Variants in SCAF11 observed in about 807,000 individuals in gnomAD.
The protein encoded by SCAF11 is protein SCAF11.
A neutral mutation model predicts 140.5 loss-of-function variants in SCAF11; 47 were observed. The ratio of observed to expected loss-of-function variants is 0.33; its 90% CI spans 0.26 to 0.43. SCAF11 has a LOEUF of 0.43. Ranked by LOEUF, SCAF11 falls within the 20% of genes least tolerant of loss-of-function variation. The probability of loss-of-function intolerance (pLI) is 1.00; values close to 1 mark genes in which losing one functional copy is unlikely to be tolerated. For synonymous variants in SCAF11, 557 were observed against 579.4 expected, an observed-to-expected ratio of 0.96 and a Z score of 0.55; for missense variants, 1,645 against 1,705.1, an observed-to-expected ratio of 0.96 and a Z score of 0.62.
At chr12:45,922,699 G>A (rs1196873956) in intron 13 of SCAF11, 117 bp from the exon 14 acceptor site, 24 of 1,033,034 alleles carry the variant, frequency 2.3e-5, no homozygotes, top group Non-Finnish European at 2.9e-5. Flanking sequence ...AACTATTAAC[G>A]TGACAAATAT....
intron 3 of SCAF11, among the ~76,000 whole-genome samples, chr12:45,956,420 C>A (rs1198796390): frequency 1.3e-5 from 2 of 152,140 alleles, no homozygotes; most frequent in East Asian, 3.8e-4. Context: ...CAGGACCTAT[C>A]TTTTTTCATT....
Position 45,926,784 on chromosome 12 carries a change from C to T in SCAF11, c.2917G>A (p.Asp973Asn), listed in dbSNP as rs1944876069. 6.2e-7 allele frequency: 1 copy of T among 1,614,036 alleles called. No homozygotes were observed. The highest frequency in any genetic ancestry group is 1.3e-5 in the African/African-American group (1 of 74,922). ...TTTCCTCGTGGACATCTCCAACCAT[C>T]ATTTGCCCATCTTCCCTTCCACCGG... Reference protein sequence around the residue: ...SPRWKGRWANDGWRCPRGNDR... With the variant: ...SPRWKGRWANNGWRCPRGNDR... The change falls in exon 11 of 15, where the codon GAT becomes AAT. Residue 973 changes from aspartate (D) to asparagine (N), a missense_variant. Coordinates refer to ENST00000369367, the MANE Select transcript of SCAF11 (RefSeq NM_004719.3).
chr12:45,932,801 C>T (rs577542353), intron 9 of SCAF11, among the ~76,000 whole-genome samples: 1 of 152,082 alleles, frequency 6.6e-6, no homozygotes, highest in Admixed American at 6.5e-5. Flanking sequence ...GCGGACAGCA[C>T]GCAGGTAAGA....
rs1038936972 is a variant in SCAF11 at position 45,990,476 on chromosome 12, C to G, written c.-145G>C. The stretch of plus-strand genomic sequence containing the variant: ...CGTCCGCTTTGTGGTGTTACAGGGT[C>G]TCTAGGACACTGACTCCGCTGGCTC... On this transcript the variant is annotated 5_prime_UTR_variant, in exon 1 of 15. Transcript: ENST00000369367. The G allele has an allele frequency of 2.4e-6, 3 of 1,231,784 alleles. No individual in the cohort carries two copies. The highest frequency in any genetic ancestry group is 3.0e-6 in the Non-Finnish European group (3 of 988,150). 76.3% of individuals were successfully genotyped at this position (1,231,784 alleles called of 1,614,324 possible). A position where few individuals can be genotyped will look rare whatever the true frequency, so the allele number is the denominator to read the frequency against.
At chr12:45,983,742 A>AACAC (rs55655357) in intron 1 of SCAF11, among the ~76,000 whole-genome samples, 23,873 of 133,674 alleles carry the variant, frequency 0.18, 2,237 homozygotes, top group Middle Eastern at 0.23. Context: ...CTAAACCTAA[A>AACAC]ACACACACAC....
chr12:45,922,857 C>T, intron 13 of SCAF11, 79 bp downstream of exon 13: 1 of 1,311,600 alleles, frequency 7.6e-7, no homozygotes, highest in Non-Finnish European at 1.1e-6. Flanking sequence ...CCCTTCACCA[C>T]TCATACAATA....
intron 6 of SCAF11, among the ~76,000 whole-genome samples, chr12:45,940,609 A>C (rs1945273336): frequency 6.6e-6 from 1 of 152,208 alleles, no homozygotes; most frequent in Admixed American, 6.5e-5. Flanking sequence ...ATAATCTCAG[A>C]AGACAGAGTT....
At chr12:45,956,068 C>A (rs1945684209) in intron 3 of SCAF11, 3 of 711,486 alleles carry the variant, frequency 4.2e-6, no homozygotes, top group Non-Finnish European at 2.6e-6. Flanking sequence ...CTCAGACAAA[C>A]CCACATTTAA....
intron 9 of SCAF11, among the ~76,000 whole-genome samples, chr12:45,932,259 C>T (rs1945063850): frequency 6.6e-6 from 1 of 152,116 alleles, no homozygotes; most frequent in Admixed American, 6.5e-5. Context: ...TTAAGACCCC[C>T]TCCTTCAAAT....
chr12:45,950,780 G>C (rs957486543), intron 4 of SCAF11, among the ~76,000 whole-genome samples: 12 of 152,060 alleles, frequency 7.9e-5, no homozygotes, highest in African/African-American at 2.9e-4. Context: ...CACTGAGAAA[G>C]ACAAATAATT....
At chr12:45,985,055 C>T (rs915509078) in intron 1 of SCAF11, among the ~76,000 whole-genome samples, 1 of 152,190 alleles carries the variant, frequency 6.6e-6, no homozygotes, top group East Asian at 1.9e-4. Context: ...TGCCCCAGCA[C>T]TGGAATCAAC....
rs757867125 is a variant in SCAF11 at position 45,928,004 on chromosome 12, C to T, written c.1697G>A (p.Cys566Tyr). Residue 566 changes from cysteine to tyrosine, a missense_variant, in exon 11 of 15, where the codon TGT becomes TAT. By Grantham distance (194) the Cys-to-Tyr change is radical (BLOSUM62 -2). Transcript: ENST00000369367. ...SESKVYQPVSCPLSDLSENVE... is the reference protein window; with the variant it reads ...SESKVYQPVSYPLSDLSENVE... ...ATTCTCAGATAAGTCACTTAGGGGA[C>T]AAGATACAGGTTGGTACACTTTGCT... is the stretch of plus-strand genomic sequence containing the variant. The T allele has an allele frequency of 1.9e-6, 3 of 1,613,062 alleles. No individual in the cohort carries two copies. The highest frequency in any genetic ancestry group is 2.2e-5 in the South Asian group (2 of 91,086).
intron 3 of SCAF11, chr12:45,955,583 T>C (rs1945669403): frequency 6.5e-6 from 1 of 152,820 alleles, no homozygotes; most frequent in Admixed American, 6.5e-5. Flanking sequence ...AGTTGTGAGG[T>C]TTTAAAAGTT....
chr12:45,971,067 T>C (rs1428610953), intron 1 of SCAF11, among the ~76,000 whole-genome samples: 2 of 152,216 alleles, frequency 1.3e-5, no homozygotes, highest in African/African-American at 2.4e-5. Flanking sequence ...GAAGACTGAA[T>C]TGAAAATAGG....
upstream of SCAF11, among the ~76,000 whole-genome samples, chr12:45,991,149 C>G (rs2136686207): frequency 6.6e-6 from 1 of 152,336 alleles, no homozygotes; most frequent in East Asian, 1.9e-4. Context: ...GAAGAGTCGG[C>G]AATTTGGAAG....
intron 1 of SCAF11, among the ~76,000 whole-genome samples, chr12:45,979,948 C>A (rs1268124249): frequency 1.3e-5 from 2 of 151,888 alleles, no homozygotes; most frequent in South Asian, 4.1e-4. Context: ...GGATTCTTTC[C>A]TAAATGTAAT....
At chr12:45,989,442 TG>T (rs757657401) in intron 1 of SCAF11, among the ~76,000 whole-genome samples, 2 of 152,258 alleles carry the variant, frequency 1.3e-5, no homozygotes, top group Non-Finnish European at 2.9e-5. Flanking sequence ...AACAGTCAGC[TG>T]GTAGACACTG....
At chr12:45,977,602 T>C (rs924033467) in intron 1 of SCAF11, among the ~76,000 whole-genome samples, 1 of 152,164 alleles carries the variant, frequency 6.6e-6, no homozygotes, top group African/African-American at 2.4e-5. Context: ...AAGACTAACA[T>C]GAGAGCAATT....
rs372411190 is a variant in SCAF11, at chr12:45,961,436, GA to G, written c.219+263del. 2.8e-3 allele frequency: 1,764 copies of G among 625,656 alleles called. 22 individuals are homozygous for G. The African/African-American group carries it at 0.03, about 11-fold the overall frequency. The allele number at this position is 625,656 out of a possible 1,614,324, so 38.8% of individuals were successfully genotyped here. A position where few individuals can be genotyped will look rare whatever the true frequency, so the allele number is the denominator to read the frequency against. ...AAAATTAATTACTGCATTTCTACCA[GA>G]AAAAAAGTTTGATCTGTTCTTCCTA... On this transcript the variant is annotated intron_variant, in intron 3 of 14. Coordinates refer to ENST00000369367, the MANE Select transcript of SCAF11 (RefSeq NM_004719.3).
Sources: allele counts gnomAD v4.1 joint callset (sites outside exome capture counted in the v4.1 genomes callset), GRCh38; gene constraint gnomAD v4.1.1; transcripts MANE v1.5; gene names NCBI Gene and HGNC (gene_info 2026-07-23, HGNC 2026-07-21).